PPA2: variants seen among roughly 807,000 people sequenced by gnomAD.
PPA2 encodes the protein inorganic pyrophosphatase 2.
PPA2 carries 48 observed loss-of-function variants against 49.5 expected under a neutral mutation model. The ratio of observed to expected loss-of-function variants is 0.97; its 90% CI spans 0.77 to 1.23. The LOEUF is 1.23. Among genes scored for constraint, PPA2 ranks in the 50% most tolerant of loss-of-function variants. The pLI is 0.00. For missense variants in PPA2, 429 were observed against 410.1 expected (o/e 1.05, Z -0.40); for synonymous variants, 131 against 139.9 (o/e 0.94, Z 0.45).
chr4:105,466,113 CTTGTTTTAACAAGTTA>C, intron 1 of PPA2, among the ~76,000 whole-genome samples: 2 of 152,128 alleles, frequency 1.3e-5, no homozygotes, highest in South Asian at 4.1e-4. Flanking sequence ...TACTGACTTA[CTTGTTTTAACAAGTTA>C]TTTGCTAAAG....
chr4:105,440,009 C>A (rs1460027447), intron 5 of PPA2, among the ~76,000 whole-genome samples: 1 of 151,696 alleles, frequency 6.6e-6, no homozygotes. Context: ...GATGGGACAC[C>A]CAGGTATAAT....
At chr4:105,370,793 T>C in intron 11 of PPA2, 44 bp downstream of exon 11, 2 of 1,363,584 alleles carry the variant, frequency 1.5e-6, no homozygotes, top group Non-Finnish European at 1.9e-6. Context: ...TGTAAACAAA[T>C]AAATTTATAC....
At chr4:105,421,323 CA>C (rs1723243270) in intron 7 of PPA2, among the ~76,000 whole-genome samples, 1 of 151,944 alleles carries the variant, frequency 6.6e-6, no homozygotes. Context: ...TTCAAAAGAA[CA>C]AAAAACATCT....
At chr4:105,434,233 T>C (rs1578857637) in intron 6 of PPA2, among the ~76,000 whole-genome samples, 1 of 152,296 alleles carries the variant, frequency 6.6e-6, no homozygotes, top group East Asian at 1.9e-4. Flanking sequence ...ATAAAAAGCC[T>C]TGAGAACAGA....
intron 5 of PPA2, among the ~76,000 whole-genome samples, chr4:105,440,541 G>A (rs1042640074): frequency 1.3e-5 from 2 of 152,144 alleles, no homozygotes; most frequent in South Asian, 2.1e-4. Flanking sequence ...GATTACAAGC[G>A]TGAGCCACTG....
intron 10 of PPA2, 39 bp from the exon 11 acceptor site, chr4:105,370,912 A>C (rs771214800): frequency 7.0e-7 from 1 of 1,434,922 alleles, no homozygotes; most frequent in East Asian, 2.7e-5. Flanking sequence ...TGTTACAATA[A>C]ATATTTATAT....
chr4:105,447,643 G>A (rs1361916040), intron 4 of PPA2, among the ~76,000 whole-genome samples: 1 of 151,568 alleles, frequency 6.6e-6, no homozygotes, highest in Non-Finnish European at 1.5e-5. Flanking sequence ...AAATATATAC[G>A]ATTATAACTT....
intron 7 of PPA2, among the ~76,000 whole-genome samples, chr4:105,409,157 C>A (rs974617255): frequency 6.6e-6 from 1 of 152,180 alleles, no homozygotes; most frequent in Non-Finnish European, 1.5e-5. Flanking sequence ...CAAGGGAAGC[C>A]ATGACAGACT....
In PPA2 at chr4:105,401,478, AT is replaced by A. The variant is rs956364286; in HGVS notation, c.656-2315del. ...TAATATAAAATTTGCCATGTTAAGCATTTTTAAGTGTATAATTCAGTGACAT... is the reference window on the plus strand; with the variant it reads ...TAATATAAAATTTGCCATGTTAAGCATTTTAAGTGTATAATTCAGTGACAT... On this transcript the variant is annotated intron_variant, in intron 7 of 11. Transcript: ENST00000341695. Among the ~76,000 whole-genome samples the A allele has an allele frequency of 7.6e-4, 116 of 152,282 alleles. 1 individual carries two copies. The highest frequency in any genetic ancestry group is 2.7e-3 in the African/African-American group (112 of 41,580).
At chr4:105,473,293 G>A (rs1324014791) in intron 1 of PPA2, 1 of 194,098 alleles carries the variant, frequency 5.2e-6, no homozygotes, top group East Asian at 1.9e-4. Context: ...CGGAACCAAC[G>A]AGGCTTTGGA....
chr4:105,447,512 A>G (rs1722445654), intron 4 of PPA2, among the ~76,000 whole-genome samples: 2 of 152,204 alleles, frequency 1.3e-5, no homozygotes, highest in South Asian at 4.1e-4. Flanking sequence ...AAAATTGCTA[A>G]GAGTAAATTT....
chr4:105,393,299 T>A (rs899067770), intron 9 of PPA2, among the ~76,000 whole-genome samples: 1 of 151,634 alleles, frequency 6.6e-6, no homozygotes, highest in Admixed American at 6.6e-5. Context: ...TTCGTGAATA[T>A]CCCTAGCAAC....
chr4:105,446,288 T>C, intron 5 of PPA2, 95 bp downstream of exon 5: 1 of 1,281,128 alleles, frequency 7.8e-7, no homozygotes, highest in East Asian at 2.6e-5. Context: ...AAATGACATG[T>C]CCTCAGAACC....
chr4:105,395,661 T>TA (rs375902757), intron 9 of PPA2, among the ~76,000 whole-genome samples: 1 of 151,526 alleles, frequency 6.6e-6, no homozygotes, highest in Non-Finnish European at 1.5e-5. Flanking sequence ...ATGATTTTTT[T>TA]AAAAGAACCC....
chr4:105,403,020 CT>C (rs1722291397), intron 7 of PPA2, among the ~76,000 whole-genome samples: 1 of 151,888 alleles, frequency 6.6e-6, no homozygotes, highest in Non-Finnish European at 1.5e-5. Context: ...CTTTCTCTCT[CT>C]CTCTCTCTCT....
At chr4:105,387,863 T>C (rs1273668035) in intron 9 of PPA2, among the ~76,000 whole-genome samples, 1 of 152,124 alleles carries the variant, frequency 6.6e-6, no homozygotes, top group Non-Finnish European at 1.5e-5. Flanking sequence ...AAGTTAGATG[T>C]TTCCTTGATG....
At chr4:105,402,564 C>A (rs1323839026) in intron 7 of PPA2, among the ~76,000 whole-genome samples, 1 of 152,072 alleles carries the variant, frequency 6.6e-6, no homozygotes, top group Non-Finnish European at 1.5e-5. Flanking sequence ...ATGGCTAGAG[C>A]ACAGTGAAAA....
At chr4:105,382,970 T>C (rs1369340176) in intron 10 of PPA2, among the ~76,000 whole-genome samples, 1 of 151,464 alleles carries the variant, frequency 6.6e-6, no homozygotes. Flanking sequence ...GCCACTGCAC[T>C]CTAGCCTGGG....
At chr4:105,449,653 T>G (rs1722584490) in intron 3 of PPA2, among the ~76,000 whole-genome samples, 1 of 152,138 alleles carries the variant, frequency 6.6e-6, no homozygotes, top group African/African-American at 2.4e-5. Context: ...GAGAATATCT[T>G]TGATGAGTAG....
Sources: gnomAD v4.1 joint callset for allele counts (sites outside exome capture counted in the v4.1 genomes callset) on GRCh38, gnomAD v4.1.1 for gene constraint, MANE v1.5 for transcripts, NCBI Gene and HGNC (gene_info 2026-07-23, HGNC 2026-07-21) for gene names.